Variants in PCCA observed in about 807,000 individuals in gnomAD.
PCCA encodes the protein propionyl-CoA carboxylase alpha chain, mitochondrial.
In PCCA, 74 loss-of-function variants were observed where a neutral mutation model predicts 101.3. The ratio of observed to expected loss-of-function variants is 0.73; its 90% CI spans 0.61 to 0.89. The LOEUF (loss-of-function observed/expected upper bound fraction) is 0.89, where lower values mean the gene tolerates loss of function less well. PCCA is among the 40% of genes least tolerant of loss of function. PCCA has a pLI of 0.00. For synonymous variants in PCCA, 294 were observed against 313.6 expected, an observed-to-expected ratio of 0.94 and a Z score of 0.66; for missense variants, 891 against 907.0, an observed-to-expected ratio of 0.98 and a Z score of 0.23.
intron 22 of PCCA, chr13:100,527,274 T>A (rs1241179904): frequency 2.1e-6 from 1 of 473,192 alleles, no homozygotes; most frequent in Admixed American, 2.3e-5. Context: ...CAGCAGTGAC[T>A]CCCCTTCCCT....
At chr13:100,112,349 T>G (rs2048391969) in intron 4 of PCCA, among the ~76,000 whole-genome samples, 1 of 152,196 alleles carries the variant, frequency 6.6e-6, no homozygotes, top group East Asian at 1.9e-4. Flanking sequence ...AGTCAAAGAT[T>G]AATGAAATGT....
In PCCA at chr13:100,351,191, A is replaced by G. The variant is rs376488492; in HGVS notation, c.1643+10932A>G. Among the ~76,000 whole-genome samples, 28 of 152,336 alleles carry G rather than the reference A, an allele frequency of 1.8e-4. No individual in the cohort carries two copies. The East Asian group carries it at 2.9e-3, about 16-fold the overall frequency. On this transcript the variant is annotated intron_variant, in intron 18 of 23. Transcript: ENST00000376285. ...ATAAAATGTCAAAAGATTAATTTCC[A>G]TAATACAAAGATTATTATTAAAAAC...
At chr13:100,113,523 A>G (rs2048515862) in intron 4 of PCCA, among the ~76,000 whole-genome samples, 1 of 151,974 alleles carries the variant, frequency 6.6e-6, no homozygotes, top group African/African-American at 2.4e-5. Flanking sequence ...ACCTTAGCAT[A>G]CCATAACTTT....
intron 21 of PCCA, among the ~76,000 whole-genome samples, chr13:100,510,082 C>T (rs569211237): frequency 3.9e-5 from 6 of 152,008 alleles, no homozygotes; most frequent in African/African-American, 9.7e-5. Flanking sequence ...TTCTGGCAGC[C>T]GGAACTTCTA....
chr13:100,156,093 G>A (rs537062405), intron 5 of PCCA, among the ~76,000 whole-genome samples: 1 of 152,224 alleles, frequency 6.6e-6, no homozygotes, highest in African/African-American at 2.4e-5. Flanking sequence ...TTGAGATGGA[G>A]TTTCGCTCTT....
intron 21 of PCCA, chr13:100,490,518 T>A (rs1184945242): frequency 2.6e-5 from 4 of 152,242 alleles, no homozygotes; most frequent in Non-Finnish European, 5.9e-5. Flanking sequence ...AGCCAACATC[T>A]GATGACTATG....
chr13:100,276,346 G>A (rs923101992), intron 12 of PCCA, among the ~76,000 whole-genome samples: 1 of 150,672 alleles, frequency 6.6e-6, no homozygotes, highest in African/African-American at 2.4e-5. Context: ...CTGCTTATTT[G>A]GACATAATTG....
At chr13:100,360,370 C>T (rs752081842) in intron 18 of PCCA, among the ~76,000 whole-genome samples, 2 of 152,080 alleles carry the variant, frequency 1.3e-5, no homozygotes, top group East Asian at 3.9e-4. Flanking sequence ...AACAAAGTTG[C>T]AGTACTTGGT....
chr13:100,107,041 A>T (rs1030099329), intron 2 of PCCA, among the ~76,000 whole-genome samples: 3 of 152,190 alleles, frequency 2.0e-5, no homozygotes, highest in Admixed American at 2.0e-4. Flanking sequence ...TTCATTAAAT[A>T]CTGACCTGGT....
chr13:100,272,153 T>G (rs1367147198), intron 11 of PCCA, among the ~76,000 whole-genome samples: 1 of 152,196 alleles, frequency 6.6e-6, no homozygotes, highest in Non-Finnish European at 1.5e-5. Flanking sequence ...TGCTTGAAGG[T>G]GGGTTTGGTA....
intron 19 of PCCA, among the ~76,000 whole-genome samples, chr13:100,424,001 G>A (rs2078985711): frequency 6.6e-6 from 1 of 152,226 alleles, no homozygotes; most frequent in Non-Finnish European, 1.5e-5. Flanking sequence ...TACTACAGTC[G>A]GCCCATGGGC....
intron 15 of PCCA, among the ~76,000 whole-genome samples, chr13:100,309,477 A>G (rs1490013676): frequency 6.6e-6 from 1 of 152,186 alleles, no homozygotes; most frequent in Non-Finnish European, 1.5e-5. Flanking sequence ...TAGGGAAAAA[A>G]TGTCTTATCT....
intron 1 of PCCA, among the ~76,000 whole-genome samples, chr13:100,102,329 A>G (rs2152248476): frequency 6.6e-6 from 1 of 152,292 alleles, no homozygotes; most frequent in African/African-American, 2.4e-5. Context: ...AATGTTTTTA[A>G]GCATTAAGAT....
In PCCA at chr13:100,124,884, A is replaced by G. The variant is rs1392064988; in HGVS notation, c.300+12823A>G. Among the ~76,000 whole-genome samples, 3 of 152,198 alleles carry G rather than the reference A, an allele frequency of 2.0e-5. No homozygotes were observed. The East Asian group carries it at 5.8e-4, about 29-fold the overall frequency. Reference sequence around the variant, plus strand: ...CTTAGATGTATATAGAGATGAAAGCAACTTAAATGTGAAAACCTCAAACGC... The same window carrying G: ...CTTAGATGTATATAGAGATGAAAGCGACTTAAATGTGAAAACCTCAAACGC... On this transcript the variant is annotated intron_variant, in intron 4 of 23. Coordinates refer to ENST00000376285, the MANE Select transcript of PCCA (RefSeq NM_000282.4).
intron 21 of PCCA, among the ~76,000 whole-genome samples, chr13:100,461,923 A>G (rs566799322): frequency 9.9e-5 from 15 of 152,026 alleles, no homozygotes; most frequent in Admixed American, 9.2e-4. Context: ...TTTACCCTCA[A>G]CTCCACAGGG....
At chr13:100,444,414 G>A (rs1161389326) in intron 20 of PCCA, among the ~76,000 whole-genome samples, 1 of 135,130 alleles carries the variant, frequency 7.4e-6, no homozygotes, top group Non-Finnish European at 1.5e-5. Flanking sequence ...ATGTTGGCCA[G>A]GCTGGTTTTG....
intron 19 of PCCA, among the ~76,000 whole-genome samples, chr13:100,376,204 T>A (rs950932957): frequency 6.6e-6 from 1 of 152,252 alleles, no homozygotes; most frequent in East Asian, 1.9e-4. Context: ...GATTGCTGCC[T>A]GTTCCTTCCT....
At chr13:100,527,111 T>G (rs1000295981) in intron 22 of PCCA, among the ~76,000 whole-genome samples, 1 of 152,126 alleles carries the variant, frequency 6.6e-6, no homozygotes, top group East Asian at 1.9e-4. Flanking sequence ...GTTTTTTTTT[T>G]TTGGTAACAG....
At chr13:100,376,997 C>T (rs1401680864) in intron 19 of PCCA, among the ~76,000 whole-genome samples, 1 of 152,208 alleles carries the variant, frequency 6.6e-6, no homozygotes, top group Non-Finnish European at 1.5e-5. Context: ...CGCTTAGTAT[C>T]TGGGCTGAAT....
Sources: gnomAD v4.1 joint callset for allele counts (sites outside exome capture counted in the v4.1 genomes callset) on GRCh38, gnomAD v4.1.1 for gene constraint, MANE v1.5 for transcripts, NCBI Gene and HGNC (gene_info 2026-07-23, HGNC 2026-07-21) for gene names.